FOXP1: variants seen among roughly 807,000 people sequenced by gnomAD.
FOXP1 encodes the protein forkhead box P1.
A neutral mutation model predicts 98.2 loss-of-function variants in FOXP1; 15 were observed. The ratio of observed to expected loss-of-function variants is 0.15; its 90% CI spans 0.10 to 0.24. The LOEUF is 0.24. Ranked by LOEUF, FOXP1 falls within the 10% of genes least tolerant of loss-of-function variation. The pLI, the probability that FOXP1 is intolerant of heterozygous loss-of-function variation, is 1.00. For synonymous variants in FOXP1, 371 were observed against 314.5 expected (o/e 1.18, Z -1.90); for missense variants, 633 against 848.5 (o/e 0.75, Z 3.15).
At chr3:71,364,771 G>A (rs1284518916) in intron 3 of FOXP1, among the ~76,000 whole-genome samples, 1 of 152,184 alleles carries the variant, frequency 6.6e-6, no homozygotes, top group Non-Finnish European at 1.5e-5. Flanking sequence ...ATGCGTTTCA[G>A]ATGTTCTTCA....
chr3:71,373,583 C>A (rs890259945), intron 3 of FOXP1, among the ~76,000 whole-genome samples: 1 of 152,296 alleles, frequency 6.6e-6, no homozygotes, highest in South Asian at 2.1e-4. Flanking sequence ...CTAAGCTTCA[C>A]AAAAAGCAGC....
In FOXP1 at chr3:71,153,137, C is replaced by T. The variant is rs139197644; in HGVS notation, c.181-40500G>A. Reference sequence around the variant, plus strand: ...TCTGTTTACCGACCAGTTAAAGGCACAGAGGGGTACCCGGCAATTGTGCGG... The same window carrying T: ...TCTGTTTACCGACCAGTTAAAGGCATAGAGGGGTACCCGGCAATTGTGCGG... On this transcript the variant is annotated intron_variant, in intron 6 of 20. Coordinates refer to ENST00000649528, the MANE Select transcript of FOXP1 (RefSeq NM_001349338.3). Among the ~76,000 whole-genome samples the T allele has an allele frequency of 5.5e-3, 830 of 152,278 alleles. 10 individuals are homozygous for T. The highest frequency in any genetic ancestry group is 0.019 in the African/African-American group (786 of 41,556).
chr3:71,446,906 T>C (rs2086497954), intron 3 of FOXP1, among the ~76,000 whole-genome samples: 1 of 152,258 alleles, frequency 6.6e-6, no homozygotes, highest in East Asian at 1.9e-4. Flanking sequence ...TCCATCAGGG[T>C]TGCAAACTCA....
At position 71,181,496 on chromosome 3, in the gene FOXP1, G is replaced by A. The variant is rs913254902; in HGVS notation, c.180+16706C>T. On this transcript the variant is annotated intron_variant, in intron 6 of 20. Coordinates refer to ENST00000649528, the MANE Select transcript of FOXP1 (RefSeq NM_001349338.3). ...CAAAACTTGCCCAACTTCACTCATCGAGTGTAGGCGCTGGTGGGTGGGTTT... is the reference window on the plus strand; with the variant it reads ...CAAAACTTGCCCAACTTCACTCATCAAGTGTAGGCGCTGGTGGGTGGGTTT... Among the ~76,000 whole-genome samples, 5 of 152,208 alleles carry A rather than the reference G, an allele frequency of 3.3e-5. No individual in the cohort carries two copies. The East Asian group carries it at 5.8e-4, about 18-fold the overall frequency.
intron 3 of FOXP1, among the ~76,000 whole-genome samples, chr3:71,433,095 G>A (rs1011448717): frequency 6.6e-6 from 1 of 151,944 alleles, no homozygotes; most frequent in South Asian, 2.1e-4. Flanking sequence ...TCAGCGATGG[G>A]CAAATTAGTG....
chr3:71,494,179 G>A (rs1380644517), intron 2 of FOXP1, among the ~76,000 whole-genome samples: 3 of 152,102 alleles, frequency 2.0e-5, no homozygotes, highest in Admixed American at 6.5e-5. Context: ...TTCTGGACCC[G>A]GTATGGTCTT....
chr3:70,978,375 C>G lies in FOXP1; in HGVS notation c.1147-346G>C, dbSNP rs145547920. Reference sequence around the variant, plus strand: ...GCTTTGATCGCCCATCAGGCCTTGTCAACCTCAAAGAGGGAGAGAAGTCCT... The same window carrying G: ...GCTTTGATCGCCCATCAGGCCTTGTGAACCTCAAAGAGGGAGAGAAGTCCT... On this transcript the variant is annotated intron_variant, in intron 14 of 20. Transcript: ENST00000649528. Among the ~76,000 whole-genome samples, 5 of 152,314 alleles carry G rather than the reference C, an allele frequency of 3.3e-5. No homozygotes were observed. The East Asian group carries it at 9.7e-4, about 29-fold the overall frequency.
At chr3:70,962,564 G>C (rs2033797308) in intron 20 of FOXP1, among the ~76,000 whole-genome samples, 1 of 152,172 alleles carries the variant, frequency 6.6e-6, no homozygotes, top group Non-Finnish European at 1.5e-5. Context: ...TGACAATGGT[G>C]AACATTTCCT....
intron 5 of FOXP1, among the ~76,000 whole-genome samples, chr3:71,229,699 T>G (rs2066130820): frequency 6.6e-6 from 1 of 152,138 alleles, no homozygotes. Context: ...TCAGCTGTTT[T>G]CTAGTCAATG....
At chr3:71,215,144 T>C (rs1340276507) in intron 5 of FOXP1, among the ~76,000 whole-genome samples, 3 of 152,210 alleles carry the variant, frequency 2.0e-5, no homozygotes, top group African/African-American at 4.8e-5. Flanking sequence ...CAGGCAGACA[T>C]ACTTGGGCTT....
At chr3:71,384,704 G>A (rs965923225) in intron 3 of FOXP1, among the ~76,000 whole-genome samples, 1 of 152,178 alleles carries the variant, frequency 6.6e-6, no homozygotes, top group Non-Finnish European at 1.5e-5. Flanking sequence ...ACTGTAAAGG[G>A]TTCAGGTGAA....
At chr3:71,167,103 C>A (rs968152237) in intron 6 of FOXP1, among the ~76,000 whole-genome samples, 6 of 151,922 alleles carry the variant, frequency 3.9e-5, no homozygotes, top group Admixed American at 3.3e-4. Flanking sequence ...CAAATTTGAT[C>A]AACAAATGCA....
chr3:71,241,535 ATCT>A (rs1196711761), intron 5 of FOXP1, among the ~76,000 whole-genome samples: 2 of 152,192 alleles, frequency 1.3e-5, no homozygotes, highest in African/African-American at 4.8e-5. Context: ...TAAATGTTAC[ATCT>A]TCTGTCGTGC....
intron 2 of FOXP1, among the ~76,000 whole-genome samples, chr3:71,558,075 C>A (rs980370837): frequency 6.6e-6 from 1 of 152,178 alleles, no homozygotes; most frequent in Non-Finnish European, 1.5e-5. Flanking sequence ...GGATTACAGG[C>A]GTGAGCCACC....
At position 71,496,250 on chromosome 3, in the gene FOXP1, C is replaced by T. The variant is rs144325465; in HGVS notation, c.-297-2695G>A. On this transcript the variant is annotated intron_variant, in intron 2 of 20. Coordinates refer to ENST00000649528, the MANE Select transcript of FOXP1 (RefSeq NM_001349338.3). ...GATTCAGAAGCACAGAGAAGCAGTA[C>T]GGGTGACACAGAAAAGCACAGTAGG... Among the ~76,000 whole-genome samples, 26 of 152,254 alleles carry T rather than the reference C, an allele frequency of 1.7e-4. No individual in the cohort carries two copies. In the East Asian group the frequency reaches 3.3e-3, roughly 19 times the overall value.
At chr3:71,395,068 C>A (rs2081286000) in intron 3 of FOXP1, among the ~76,000 whole-genome samples, 1 of 142,856 alleles carries the variant, frequency 7.0e-6, no homozygotes, top group Non-Finnish European at 1.5e-5. Context: ...CCACTGCACT[C>A]CAGCCTGGGC....
chr3:71,002,808 T>C (rs908886006), intron 12 of FOXP1, among the ~76,000 whole-genome samples: 1 of 152,100 alleles, frequency 6.6e-6, no homozygotes, highest in Non-Finnish European at 1.5e-5. Flanking sequence ...TCAAACCACG[T>C]GGGTAATCAG....
chr3:71,328,270 G>C (rs188877861), intron 4 of FOXP1, among the ~76,000 whole-genome samples: 4 of 151,806 alleles, frequency 2.6e-5, no homozygotes, highest in African/African-American at 9.7e-5. Context: ...TTCTACCAAA[G>C]AAATAAAAAA....
chr3:71,476,553 C>T (rs564881029), intron 3 of FOXP1, among the ~76,000 whole-genome samples: 3 of 152,076 alleles, frequency 2.0e-5, no homozygotes, highest in South Asian at 4.1e-4. Flanking sequence ...TGCAATGGCG[C>T]GATCTCAGCT....
Sources: gnomAD v4.1 joint callset for allele counts (sites outside exome capture counted in the v4.1 genomes callset) on GRCh38, gnomAD v4.1.1 for gene constraint, MANE v1.5 for transcripts, NCBI Gene and HGNC (gene_info 2026-07-23, HGNC 2026-07-21) for gene names.